Variants in PTPRD observed in about 807,000 individuals in gnomAD.
The protein encoded by PTPRD is receptor-type tyrosine-protein phosphatase delta.
PTPRD carries 34 observed loss-of-function variants against 214.5 expected under a neutral mutation model. That is an observed-to-expected ratio of 0.16 (90% confidence interval 0.12 to 0.21). PTPRD has a LOEUF of 0.21. PTPRD is among the 10% of genes least tolerant of loss of function. PTPRD has a pLI of 1.00. For synonymous variants in PTPRD, 1,128 were observed against 845.7 expected, an observed-to-expected ratio of 1.33 and a Z score of -5.79; for missense variants, 2,545 against 2,398.7, an observed-to-expected ratio of 1.06 and a Z score of -1.27.
chr9:10,330,527 G>C (rs975372560), intron 3 of PTPRD, among the ~76,000 whole-genome samples: 9 of 151,708 alleles, frequency 5.9e-5, no homozygotes, highest in African/African-American at 7.3e-5. Context: ...TAATCAAAGG[G>C]TATCAATATT....
intron 5 of PTPRD, among the ~76,000 whole-genome samples, chr9:9,792,272 G>A (rs1464300426): frequency 6.6e-6 from 1 of 152,022 alleles, no homozygotes; most frequent in Non-Finnish European, 1.5e-5. Flanking sequence ...GTTTCAGGTA[G>A]CACTGAACCA....
chr9:10,479,658 T>TAAAC lies in PTPRD; in HGVS notation c.-600+132736_-600+132739dup, dbSNP rs1555402919. 3.2e-4 allele frequency among the ~76,000 whole-genome samples: 47 copies of TAAAC among 145,910 alleles called. 1 individual carries two copies. Among genetic ancestry groups the TAAAC allele is most frequent in the South Asian group, 1.3e-3 (6 of 4,522 alleles). ...ATAAATAAATAAATAAATAAATAAA[T>TAAAC]AAACAAAAATACAAAAATTTGCCAA... On this transcript the variant is annotated intron_variant, in intron 2 of 45. Coordinates refer to ENST00000381196, the MANE Select transcript of PTPRD (RefSeq NM_002839.4).
chr9:10,400,519 G>T (rs1485793251), intron 2 of PTPRD, among the ~76,000 whole-genome samples: 1 of 151,254 alleles, frequency 6.6e-6, no homozygotes, highest in Admixed American at 6.6e-5. Flanking sequence ...GCATTCACTG[G>T]GGATCAAAGT....
intron 5 of PTPRD, among the ~76,000 whole-genome samples, chr9:9,920,170 G>T (rs1288126340): frequency 6.6e-6 from 1 of 152,060 alleles, no homozygotes; most frequent in South Asian, 2.1e-4. Context: ...TCAGGCACTT[G>T]CTCTTTGATG....
chr9:10,379,006 T>C (rs1406129067), intron 2 of PTPRD, among the ~76,000 whole-genome samples: 4 of 152,034 alleles, frequency 2.6e-5, no homozygotes, highest in Admixed American at 1.3e-4. Flanking sequence ...TGATGTTTTA[T>C]AGTTTTCATT....
chr9:9,207,080 T>G (rs181639859), intron 9 of PTPRD, among the ~76,000 whole-genome samples: 3 of 152,174 alleles, frequency 2.0e-5, no homozygotes, highest in African/African-American at 7.2e-5. Context: ...GTAGAGCCAG[T>G]AAAAATTGCT....
chr9:8,955,993 GA>G (rs994811335), intron 11 of PTPRD, among the ~76,000 whole-genome samples: 4 of 151,622 alleles, frequency 2.6e-5, no homozygotes, highest in African/African-American at 9.7e-5. Flanking sequence ...GGCCATTTTT[GA>G]ATTCCATCAA....
At chr9:10,558,479 C>T (rs985405084) in intron 2 of PTPRD, among the ~76,000 whole-genome samples, 2 of 152,058 alleles carry the variant, frequency 1.3e-5, no homozygotes, top group Non-Finnish European at 1.5e-5. Context: ...GTTGTCTGAA[C>T]CTTCTCTGAC....
chr9:10,325,566 T>C (rs1161199575), intron 3 of PTPRD, among the ~76,000 whole-genome samples: 1 of 151,986 alleles, frequency 6.6e-6, no homozygotes, highest in Non-Finnish European at 1.5e-5. Flanking sequence ...TCTGATTTAT[T>C]TTTAAGTTTG....
At chr9:9,961,349 T>C (rs181955652) in intron 4 of PTPRD, among the ~76,000 whole-genome samples, 2 of 152,234 alleles carry the variant, frequency 1.3e-5, no homozygotes, top group East Asian at 3.9e-4. Flanking sequence ...CAATAGGCAA[T>C]GTATTTGCTG....
intron 2 of PTPRD, among the ~76,000 whole-genome samples, chr9:10,407,460 A>G (rs1433528200): frequency 1.3e-5 from 2 of 151,590 alleles, no homozygotes; most frequent in African/African-American, 4.8e-5. Context: ...ATGAAAATAT[A>G]TATCCTACCT....
chr9:8,657,051 T>C (rs1230387480), intron 12 of PTPRD, among the ~76,000 whole-genome samples: 2 of 152,194 alleles, frequency 1.3e-5, no homozygotes, highest in East Asian at 3.8e-4. Context: ...TAGCTCATTA[T>C]GGTTTTGATT....
intron 33 of PTPRD, among the ~76,000 whole-genome samples, chr9:8,455,385 GATA>G (rs1268750445): frequency 6.6e-6 from 1 of 152,124 alleles, no homozygotes; most frequent in East Asian, 1.9e-4. Flanking sequence ...TTTCACCTGT[GATA>G]ATATGTTGAT....
intron 10 of PTPRD, among the ~76,000 whole-genome samples, chr9:9,168,043 G>A (rs1184962889): frequency 6.6e-6 from 1 of 152,030 alleles, no homozygotes; most frequent in Non-Finnish European, 1.5e-5. Context: ...TTATTCTGAA[G>A]GTTTGGCAAA....
chr9:9,217,822 T>A (rs887879333), intron 9 of PTPRD, among the ~76,000 whole-genome samples: 7 of 152,162 alleles, frequency 4.6e-5, no homozygotes, highest in Non-Finnish European at 7.3e-5. Flanking sequence ...AGTATTATCT[T>A]GTCCATATGT....
intron 2 of PTPRD, among the ~76,000 whole-genome samples, chr9:10,543,765 C>A (rs1292326040): frequency 6.6e-6 from 1 of 152,176 alleles, no homozygotes; most frequent in Non-Finnish European, 1.5e-5. Context: ...ACATCGCAGT[C>A]AACAACCTTT....
At chr9:10,450,582 G>A (rs2098834849) in intron 2 of PTPRD, among the ~76,000 whole-genome samples, 1 of 151,954 alleles carries the variant, frequency 6.6e-6, no homozygotes, top group African/African-American at 2.4e-5. Context: ...GAGGAGTCCA[G>A]TTCCATTTTA....
chr9:8,941,479 T>G (rs969422881), intron 11 of PTPRD, among the ~76,000 whole-genome samples: 1 of 152,164 alleles, frequency 6.6e-6, no homozygotes, highest in Non-Finnish European at 1.5e-5. Flanking sequence ...GGGTCCTGGC[T>G]CCACTAATCC....
At chr9:9,721,903 A>G (rs1450554609) in intron 7 of PTPRD, among the ~76,000 whole-genome samples, 3 of 152,086 alleles carry the variant, frequency 2.0e-5, no homozygotes, top group African/African-American at 4.8e-5. Context: ...GAGTTCTTAC[A>G]TAAGAATTTG....
Sources: gnomAD v4.1 joint callset for allele counts (sites outside exome capture counted in the v4.1 genomes callset) on GRCh38, gnomAD v4.1.1 for gene constraint, MANE v1.5 for transcripts, NCBI Gene and HGNC (gene_info 2026-07-23, HGNC 2026-07-21) for gene names.